CLDND1: variants seen among roughly 807,000 people sequenced by gnomAD.
CLDND1 encodes the protein claudin domain containing 1, also known as claudin domain-containing protein 1.
In CLDND1, 13 loss-of-function variants were observed where a neutral mutation model predicts 26.3. That is an observed-to-expected ratio of 0.49 (90% CI 0.32 to 0.78). The LOEUF (loss-of-function observed/expected upper bound fraction) is 0.78. Among genes scored for constraint, CLDND1 ranks in the 30% least tolerant of loss-of-function variants. The probability of loss-of-function intolerance (pLI) is 0.03; values close to 1 mark genes in which losing one functional copy is unlikely to be tolerated. For missense variants in CLDND1, 289 were observed against 312.8 expected (o/e 0.92, Z 0.57); for synonymous variants, 107 against 107.0 (o/e 1.00, Z 0.00).
Position 98,517,120 on chromosome 3 carries a change from C to A in CLDND1, c.473G>T (p.Gly158Val). Residue 158 changes from glycine (G) to valine (V), a missense_variant, in exon 4 of 5, where the codon GGA (glycine) becomes GTA (valine). Transcript: ENST00000341181. The stretch of plus-strand genomic sequence containing the variant: ...GCTTCGGCAAATGCAAGCACAAAGT[C>A]CGATCAAAGCCCCAAAGCACATCAA... The part of the protein sequence containing the change: ...LGLMCFGALI[G>V]LCACICRSLY... 1 of 1,614,090 alleles carries A rather than the reference C, an allele frequency of 6.2e-7. No homozygotes were observed. The highest frequency in any genetic ancestry group is 8.5e-7 in the Non-Finnish European group (1 of 1,179,984).
Position 98,515,579 on chromosome 3 carries a change from T to C in CLDND1, c.*1080A>G, listed in dbSNP as rs1706099577. On this transcript the variant is annotated 3_prime_UTR_variant, in exon 5 of 5. Coordinates refer to ENST00000341181, the MANE Select transcript of CLDND1 (RefSeq NM_001040181.2). ...TTTTTTAATCTGTCAATTGCTACAG[T>C]AGTGGAATAAATAAATAAGTTTTTT... is the stretch of plus-strand genomic sequence containing the variant. 3 of 1,011,960 alleles carry C rather than the reference T, an allele frequency of 3.0e-6. No homozygotes were observed. Among genetic ancestry groups the C allele is most frequent in the Admixed American group, 4.3e-5 (1 of 23,084 alleles). 62.7% of individuals were successfully genotyped at this position (1,011,960 alleles called of 1,614,324 possible).
intron 1 of CLDND1, 192 bp downstream of exon 1, chr3:98,522,657 T>C (rs1309005165): frequency 7.0e-7 from 1 of 1,421,028 alleles, no homozygotes; most frequent in African/African-American, 1.5e-5. Flanking sequence ...GGGGCAGCCG[T>C]GCTCGGCCCC....
At chr3:98,522,585 G>C in intron 1 of CLDND1, 8 of 1,375,812 alleles carry the variant, frequency 5.8e-6, no homozygotes, top group Non-Finnish European at 7.5e-6. Context: ...GTCCAAGCCG[G>C]ACGCCTGCAG....
intron 1 of CLDND1, 142 bp downstream of exon 1, chr3:98,522,707 G>A: frequency 1.3e-6 from 2 of 1,525,836 alleles, no homozygotes; most frequent in East Asian, 2.5e-5. Flanking sequence ...CCCCGCCCTA[G>A]AGGGCTCGGC....
At position 98,521,782 on chromosome 3, in the gene CLDND1, T is replaced by C. The variant is rs115741378; in HGVS notation, c.-18-340A>G. The C allele has an allele frequency of 2.6e-4, 310 of 1,211,642 alleles. No homozygotes were observed. The African/African-American group carries it at 3.7e-3, about 15-fold the overall frequency. The allele number at this position is 1,211,642 out of a possible 1,614,324, so 75.1% of individuals were successfully genotyped here. On this transcript the variant is annotated intron_variant, in intron 1 of 4. Coordinates refer to ENST00000341181, the MANE Select transcript of CLDND1 (RefSeq NM_001040181.2). ...CATGCCCATGGTCAGCAGTGTACCG[T>C]GCACACATTTTAAATTACAGACTGA...
At chr3:98,522,811 G>A (rs201248307) in intron 1 of CLDND1, 38 bp downstream of exon 1, 12 of 1,613,604 alleles carry the variant, frequency 7.4e-6, no homozygotes, top group Admixed American at 5.0e-5. Flanking sequence ...GAACCGCGAC[G>A]CGACCCCTGC....
At chr3:98,517,814 C>G (rs969702687) in intron 3 of CLDND1, among the ~76,000 whole-genome samples, 21 of 152,086 alleles carry the variant, frequency 1.4e-4, no homozygotes, top group African/African-American at 5.1e-4. Flanking sequence ...AGGCAAGAGT[C>G]ATAAATAACT....
At chr3:98,517,005 A>G (rs1462758607) in intron 4 of CLDND1, 47 bp downstream of exon 4, 3 of 1,611,878 alleles carry the variant, frequency 1.9e-6, no homozygotes, top group African/African-American at 2.7e-5. Context: ...TTTGGTCCCT[A>G]AAGAGACAGG....
intron 3 of CLDND1, among the ~76,000 whole-genome samples, chr3:98,517,896 A>G (rs1179304441): frequency 6.6e-6 from 1 of 152,224 alleles, no homozygotes; most frequent in Non-Finnish European, 1.5e-5. Flanking sequence ...CCTACCAACA[A>G]TATCTAGGTC....
rs774807004 is a variant in CLDND1 at position 98,516,886 on chromosome 3, G to A, written c.542-7C>T. On this transcript the variant is annotated splice_polypyrimidine_tract_variant and splice_region_variant and intron_variant, in intron 4 of 4. Coordinates refer to ENST00000341181, the MANE Select transcript of CLDND1 (RefSeq NM_001040181.2). ...GAGCCCAGTGTACACAGACCTTGGG[G>A]GAAAATTTAGAAAACAAAACAAAAC... 2 of 1,613,404 alleles carry A rather than the reference G, an allele frequency of 1.2e-6. No homozygotes were observed. Among genetic ancestry groups the A allele is most frequent in the East Asian group, 2.2e-5 (1 of 44,888 alleles).
At position 98,516,761 on chromosome 3, in the gene CLDND1, A is replaced by G. The variant is rs776351604; in HGVS notation, c.660T>C (p.Cys220=). 2 of 1,614,192 alleles carry G rather than the reference A, an allele frequency of 1.2e-6. No individual in the cohort carries two copies. The highest frequency in any genetic ancestry group is 1.7e-6 in the Non-Finnish European group (2 of 1,180,020). The part of the protein sequence containing the change: ...GEFGWSFCLA[C]VSAPLQFMAS... The stretch of plus-strand genomic sequence containing the variant: ...CCATGAACTGTAAGGGAGCAGAGAC[A>G]CAAGCCAGGCAGAAGGACCATCCAA... Residue 220 remains cysteine (C), a synonymous_variant, in exon 5 of 5, where the codon TGT becomes TGC. Transcript: ENST00000341181.
At chr3:98,517,222 C>A (rs1301772597) in intron 3 of CLDND1, 33 bp from the exon 4 acceptor site, 1 of 1,600,840 alleles carries the variant, frequency 6.2e-7, no homozygotes, top group African/African-American at 1.3e-5. Context: ...AGAAATGTTA[C>A]CGTGATTTCA....
At chr3:98,519,378 A>G (rs1399019635) in intron 2 of CLDND1, among the ~76,000 whole-genome samples, 1 of 152,194 alleles carries the variant, frequency 6.6e-6, no homozygotes, top group Admixed American at 6.5e-5. Flanking sequence ...AGTTCCTCAG[A>G]CCAGAAACTT....
intron 2 of CLDND1, among the ~76,000 whole-genome samples, chr3:98,519,214 G>A (rs1706295251): frequency 6.6e-6 from 1 of 152,178 alleles, no homozygotes; most frequent in Non-Finnish European, 1.5e-5. Context: ...AAATAAAGTG[G>A]AAGCAGTAAA....
chr3:98,518,831 C>T, intron 3 of CLDND1, 54 bp downstream of exon 3: 1 of 1,056,516 alleles, frequency 9.5e-7, no homozygotes, highest in Non-Finnish European at 1.5e-6. Flanking sequence ...CAAAAAGAGA[C>T]AAATAAAATT....
chr3:98,521,559 C>T, intron 1 of CLDND1, 117 bp from the exon 2 acceptor site: 1 of 1,468,250 alleles, frequency 6.8e-7, no homozygotes, highest in Non-Finnish European at 9.5e-7. Context: ...GTACATATAA[C>T]CATTAAGAAT....
intron 2 of CLDND1, 34 bp downstream of exon 2, chr3:98,521,099 G>A (rs779083993): frequency 1.3e-6 from 2 of 1,569,482 alleles, no homozygotes; most frequent in African/African-American, 1.4e-5. Context: ...TATTAACCAG[G>A]TGAAGAAGAC....
chr3:98,521,664 C>T (rs1237498690), intron 1 of CLDND1: 2 of 1,612,146 alleles, frequency 1.2e-6, no homozygotes, highest in Non-Finnish European at 1.7e-6. Context: ...CAGGATGCTA[C>T]GGAGACAGAG....
chr3:98,515,744 G>C lies in CLDND1; in HGVS notation c.*915C>G. 7.8e-7 allele frequency: 1 copy of C among 1,289,774 alleles called. No homozygotes were observed. Among genetic ancestry groups the C allele is most frequent in the South Asian group, 1.2e-5 (1 of 81,026 alleles). 79.9% of individuals were successfully genotyped at this position (1,289,774 alleles called of 1,614,324 possible). A position where few individuals can be genotyped will look rare whatever the true frequency, so the allele number is the denominator to read the frequency against. Reference sequence around the variant, plus strand: ...ACAAGAAATAAAGACCATAGTTGGAGGTTAATGGACAGCCAGAACTTTAGA... The same window carrying C: ...ACAAGAAATAAAGACCATAGTTGGACGTTAATGGACAGCCAGAACTTTAGA... On this transcript the variant is annotated 3_prime_UTR_variant, in exon 5 of 5. Coordinates refer to ENST00000341181, the MANE Select transcript of CLDND1 (RefSeq NM_001040181.2).
Sources: gnomAD v4.1 joint callset for allele counts (sites outside exome capture counted in the v4.1 genomes callset) on GRCh38, gnomAD v4.1.1 for gene constraint, MANE v1.5 for transcripts, NCBI Gene and HGNC (gene_info 2026-07-23, HGNC 2026-07-21) for gene names.